The following NTN4 variants were observed in gnomAD, a reference collection of about 807,000 sequenced individuals.
The protein encoded by NTN4 is netrin-4.
A neutral mutation model predicts 73.6 loss-of-function variants in NTN4; 32 were observed. The ratio of observed to expected loss-of-function variants is 0.44; its 90% CI spans 0.33 to 0.58. NTN4 has a LOEUF of 0.58. Ranked by LOEUF, NTN4 falls within the 20% of genes least tolerant of loss-of-function variation. NTN4 has a pLI of 0.04. For missense variants in NTN4, 654 were observed against 798.3 expected, an observed-to-expected ratio of 0.82 and a Z score of 2.18; for synonymous variants, 258 against 287.5, an observed-to-expected ratio of 0.90 and a Z score of 1.04.
chr12:95,700,795 CT>C (rs1173800785), intron 5 of NTN4, among the ~76,000 whole-genome samples: 1 of 147,514 alleles, frequency 6.8e-6, no homozygotes, highest in Non-Finnish European at 1.5e-5. Flanking sequence ...TCTTCCCTTT[CT>C]TTTTTCTTTC....
chr12:95,778,331 T>C (rs1279205369), intron 2 of NTN4, among the ~76,000 whole-genome samples: 11 of 151,302 alleles, frequency 7.3e-5, no homozygotes, highest in African/African-American at 2.2e-4. Context: ...CTGAAGGAGA[T>C]AGAGACACAA....
intron 2 of NTN4, among the ~76,000 whole-genome samples, chr12:95,741,894 A>C (rs1239171212): frequency 4.6e-5 from 7 of 152,204 alleles, no homozygotes; most frequent in Non-Finnish European, 8.8e-5. Context: ...TTTCCTGAAG[A>C]TACATTTCCA....
chr12:95,682,657 TTACA>T (rs2078327193), intron 7 of NTN4, 46 bp downstream of exon 7: 2 of 1,289,734 alleles, frequency 1.6e-6, no homozygotes, highest in Non-Finnish European at 2.2e-6. Flanking sequence ...CGTATCACTG[TTACA>T]TAAGACCAGA....
intron 5 of NTN4, among the ~76,000 whole-genome samples, chr12:95,695,644 C>T (rs1236251005): frequency 1.3e-5 from 2 of 152,146 alleles, no homozygotes; most frequent in Non-Finnish European, 2.9e-5. Context: ...GGATTACAGG[C>T]GCTCAGCCAT....
At chr12:95,711,969 T>C (rs928252867) in intron 4 of NTN4, among the ~76,000 whole-genome samples, 3 of 152,226 alleles carry the variant, frequency 2.0e-5, no homozygotes, top group Non-Finnish European at 4.4e-5. Flanking sequence ...TTTAAAAGTA[T>C]ATTACAAGAT....
At chr12:95,776,852 A>G (rs745535694) in intron 2 of NTN4, among the ~76,000 whole-genome samples, 50 of 152,312 alleles carry the variant, frequency 3.3e-4, no homozygotes, top group Non-Finnish European at 5.7e-4. Flanking sequence ...TCCAAGACAC[A>G]TAATTGTCAG....
intron 2 of NTN4, among the ~76,000 whole-genome samples, chr12:95,758,641 T>A (rs1171987964): frequency 6.6e-6 from 1 of 152,146 alleles, no homozygotes; most frequent in Non-Finnish European, 1.5e-5. Flanking sequence ...CACGGCTCAC[T>A]GCAGCCTCAA....
At chr12:95,692,364 G>A (rs577353936) in intron 5 of NTN4, among the ~76,000 whole-genome samples, 1 of 152,226 alleles carries the variant, frequency 6.6e-6, no homozygotes, top group South Asian at 2.1e-4. Context: ...GTGTTCTACT[G>A]GAAGAAAATC....
At position 95,749,532 on chromosome 12, in the gene NTN4, C is replaced by T. The variant is rs1236547170; in HGVS notation, c.586-11388G>A. Among the ~76,000 whole-genome samples, 8 of 152,326 alleles carry T rather than the reference C, an allele frequency of 5.3e-5. No individual in the cohort carries two copies. In the East Asian group the frequency reaches 1.5e-3, roughly 29 times the overall value. On this transcript the variant is annotated intron_variant, in intron 2 of 9. Transcript: ENST00000343702. Reference sequence around the variant, plus strand: ...TCTCTCCCTTCTCTTAATTTCAATTCCTTTCATTTTCTGGGAGAGACAAAG... The same window carrying T: ...TCTCTCCCTTCTCTTAATTTCAATTTCTTTCATTTTCTGGGAGAGACAAAG...
At chr12:95,767,491 G>A (rs1266542270) in intron 2 of NTN4, among the ~76,000 whole-genome samples, 2 of 152,196 alleles carry the variant, frequency 1.3e-5, no homozygotes. Flanking sequence ...CAAAAATGCA[G>A]GTGAATTGAA....
chr12:95,772,554 T>C lies in NTN4; in HGVS notation c.585+14385A>G, dbSNP rs1214586490. ...TCCAGTGGCCTCCTACGTATCTCCATTTGTATGTCTAAAAGGCAACTCATA... is the reference window on the plus strand; with the variant it reads ...TCCAGTGGCCTCCTACGTATCTCCACTTGTATGTCTAAAAGGCAACTCATA... On this transcript the variant is annotated intron_variant, in intron 2 of 9. Coordinates refer to ENST00000343702, the MANE Select transcript of NTN4 (RefSeq NM_021229.4). 3.3e-5 allele frequency among the ~76,000 whole-genome samples: 5 copies of C among 152,318 alleles called. No individual in the cohort carries two copies. In the East Asian group the frequency reaches 7.7e-4, roughly 23 times the overall value.
intron 3 of NTN4, among the ~76,000 whole-genome samples, chr12:95,729,923 T>C (rs2078725858): frequency 6.6e-6 from 1 of 152,094 alleles, no homozygotes; most frequent in African/African-American, 2.4e-5. Context: ...CATGAACCCA[T>C]TATATTAGCA....
chr12:95,727,797 C>T (rs1052939969), intron 3 of NTN4, among the ~76,000 whole-genome samples: 2 of 152,104 alleles, frequency 1.3e-5, no homozygotes, highest in Non-Finnish European at 2.9e-5. Context: ...GCTTTCCCAC[C>T]TGAATTTTAG....
intron 5 of NTN4, among the ~76,000 whole-genome samples, chr12:95,707,852 A>G (rs1443880737): frequency 6.6e-6 from 1 of 152,214 alleles, no homozygotes; most frequent in Non-Finnish European, 1.5e-5. Flanking sequence ...GTTGCCCTAC[A>G]AGATAACTTA....
intron 3 of NTN4, among the ~76,000 whole-genome samples, chr12:95,737,246 G>T (rs1293034915): frequency 6.6e-6 from 1 of 152,088 alleles, no homozygotes; most frequent in Non-Finnish European, 1.5e-5. Context: ...CCTACTTCTG[G>T]CCCAGGTAAT....
At chr12:95,735,657 T>C (rs1195595786) in intron 3 of NTN4, among the ~76,000 whole-genome samples, 1 of 152,176 alleles carries the variant, frequency 6.6e-6, no homozygotes, top group Non-Finnish European at 1.5e-5. Context: ...TGAACCTCTT[T>C]ACAGGCTGAT....
chr12:95,780,129 C>T (rs2079121728), intron 2 of NTN4, among the ~76,000 whole-genome samples: 1 of 152,038 alleles, frequency 6.6e-6, no homozygotes, highest in African/African-American at 2.4e-5. Context: ...CCCTTCCTTA[C>T]ACCTTATACA....
At chr12:95,686,763 A>AG (rs2078364165) in intron 5 of NTN4, among the ~76,000 whole-genome samples, 1 of 151,966 alleles carries the variant, frequency 6.6e-6, no homozygotes, top group Non-Finnish European at 1.5e-5. Flanking sequence ...GTCTCAAAAA[A>AG]AAAAAAGAAA....
chr12:95,748,230 C>CAAAA (rs769213172), intron 2 of NTN4, among the ~76,000 whole-genome samples: 44 of 76,528 alleles, frequency 5.7e-4, no homozygotes, highest in African/African-American at 2.1e-3. Flanking sequence ...GACTCTGTCT[C>CAAAA]AAAAAAAAAA....
Sources: gnomAD v4.1 joint callset for allele counts (sites outside exome capture counted in the v4.1 genomes callset) on GRCh38, gnomAD v4.1.1 for gene constraint, MANE v1.5 for transcripts, NCBI Gene and HGNC (gene_info 2026-07-23, HGNC 2026-07-21) for gene names.